BST1: variants seen among roughly 807,000 people sequenced by gnomAD.
The protein encoded by BST1 is ADP-ribosyl cyclase/cyclic ADP-ribose hydrolase 2.
Under a neutral mutation model 40.6 loss-of-function variants are expected in BST1, and 49 were observed. That is an observed-to-expected ratio of 1.21 (90% confidence interval 0.96 to 1.53). The LOEUF is 1.53. BST1 is among the 40% of genes most tolerant of loss of function. The pLI, the probability that BST1 is intolerant of heterozygous loss-of-function variation, is 0.00. For synonymous variants in BST1, 157 were observed against 159.3 expected (o/e 0.99, Z 0.11); for missense variants, 423 against 395.9 (o/e 1.07, Z -0.58).
chr4:15,739,554 CGTGT>C (rs58171340), downstream of BST1, among the ~76,000 whole-genome samples: 19,227 of 143,908 alleles, frequency 0.13, 1,429 homozygotes, highest in Non-Finnish European at 0.18. Flanking sequence ...GAAGCCAAAC[CGTGT>C]GTGTGTGTGT....
the BST1 span, among the ~76,000 whole-genome samples, chr4:15,745,664 A>AC: frequency 2.8e-4 from 42 of 152,320 alleles, no homozygotes; most frequent in African/African-American, 1.0e-3. Context: ...TGCTGCCTTC[A>AC]AAATCCAGAG....
chr4:15,766,129 C>T, the BST1 span, among the ~76,000 whole-genome samples: 52,376 of 151,750 alleles, frequency 0.35, 9,406 homozygotes, highest in South Asian at 0.41. Context: ...GAGACAAAGA[C>T]TGTTTGGCAT....
the BST1 span, among the ~76,000 whole-genome samples, chr4:15,750,645 G>T: frequency 1.3e-5 from 2 of 152,156 alleles, no homozygotes; most frequent in African/African-American, 4.8e-5. Context: ...TGGGCTGTAA[G>T]TGTACAATGA....
At chr4:15,756,333 C>T in the BST1 span, among the ~76,000 whole-genome samples, 1 of 152,160 alleles carries the variant, frequency 6.6e-6, no homozygotes, top group Admixed American at 6.5e-5. Flanking sequence ...CCTGGCTAGT[C>T]CTATGAAGCG....
Position 15,715,939 on chromosome 4 carries a change from A to G in BST1, c.704+140A>G, listed in dbSNP as rs200446545. The G allele has an allele frequency of 8.3e-6, 5 of 602,038 alleles. No individual in the cohort carries two copies. The African/African-American group carries it at 9.8e-5, about 12-fold the overall frequency. 37.3% of individuals were successfully genotyped at this position (602,038 alleles called of 1,614,324 possible). A position where few individuals can be genotyped will look rare whatever the true frequency, so the allele number is the denominator to read the frequency against. On this transcript the variant is annotated intron_variant, in intron 6 of 8. Transcript: ENST00000265016. ...TCTAATGGGGTTGGTAGAGAAAGACAAAAGCTTGACTTTCTGGGAATGCCA... is the reference window on the plus strand; with the variant it reads ...TCTAATGGGGTTGGTAGAGAAAGACGAAAGCTTGACTTTCTGGGAATGCCA...
chr4:15,726,136 GTT>G (rs58225702), intron 8 of BST1, among the ~76,000 whole-genome samples: 4 of 107,582 alleles, frequency 3.7e-5, no homozygotes, highest in Admixed American at 2.0e-4. Context: ...AACTTTTAAA[GTT>G]TTTTTTTTTT....
At chr4:15,768,986 T>C in the BST1 span, among the ~76,000 whole-genome samples, 2 of 152,056 alleles carry the variant, frequency 1.3e-5, no homozygotes, top group African/African-American at 4.8e-5. Context: ...AATATGAAAA[T>C]CATCACATGT....
the BST1 span, among the ~76,000 whole-genome samples, chr4:15,764,717 C>A: frequency 6.6e-6 from 1 of 151,854 alleles, no homozygotes; most frequent in Non-Finnish European, 1.5e-5. Flanking sequence ...TACTCTCAAC[C>A]GATGTGGGCC....
At chr4:15,758,041 T>C in the BST1 span, among the ~76,000 whole-genome samples, 11 of 152,378 alleles carry the variant, frequency 7.2e-5, no homozygotes, top group Admixed American at 5.9e-4. Context: ...TATAATTGTG[T>C]ATATTTCTGG....
intron 3 of BST1, among the ~76,000 whole-genome samples, chr4:15,707,951 C>A (rs1424709412): frequency 6.6e-6 from 1 of 151,372 alleles, no homozygotes; most frequent in African/African-American, 2.4e-5. Context: ...ATTTGATGCC[C>A]ACAACAACCT....
chr4:15,708,979 C>T (rs1489498425), intron 3 of BST1, among the ~76,000 whole-genome samples: 1 of 152,094 alleles, frequency 6.6e-6, no homozygotes. Flanking sequence ...TGTGCCAGAC[C>T]CTCATCTTCT....
At chr4:15,724,088 T>C (rs1158576443) in intron 8 of BST1, among the ~76,000 whole-genome samples, 1 of 152,212 alleles carries the variant, frequency 6.6e-6, no homozygotes, top group African/African-American at 2.4e-5. Flanking sequence ...TCCACGTTGA[T>C]TGAGGAACTC....
chr4:15,762,188 CAAAAAAAAAAAAAA>C, the BST1 span, among the ~76,000 whole-genome samples: 2 of 61,238 alleles, frequency 3.3e-5, no homozygotes, highest in South Asian at 5.8e-4. Context: ...GACTCCATCT[CAAAAAAAAAAAAAA>C]AAAAAAAAAA....
Position 15,703,186 on chromosome 4 carries a change from G to GCTGCTGCAGCTT in BST1, c.48_59dup (p.Gln17_Leu20dup), listed in dbSNP as rs764639367. On this transcript the variant is annotated inframe_insertion, in exon 1 of 9. Coordinates refer to ENST00000265016, the MANE Select transcript of BST1 (RefSeq NM_004334.3). ...GCGCGGCATCGCGGCTGCTCCAGCT[G>GCTGCTGCAGCTT]CTGCTGCAGCTTCTGCTTCTACTGT... The GCTGCTGCAGCTT allele has an allele frequency of 1.9e-6, 3 of 1,559,374 alleles. No individual in the cohort carries two copies. The highest frequency in any genetic ancestry group is 2.6e-6 in the Non-Finnish European group (3 of 1,153,332).
chr4:15,769,988 T>C, the BST1 span, among the ~76,000 whole-genome samples: 52,004 of 151,986 alleles, frequency 0.34, 9,477 homozygotes, highest in African/African-American at 0.46. Context: ...TACAGGTGTG[T>C]GCCACTGCGC....
chr4:15,760,682 A>AG, the BST1 span, among the ~76,000 whole-genome samples: 1 of 150,520 alleles, frequency 6.6e-6, no homozygotes, highest in Non-Finnish European at 1.5e-5. Flanking sequence ...TATATACTAT[A>AG]TATTTATTTA....
At chr4:15,750,468 G>A in the BST1 span, among the ~76,000 whole-genome samples, 1 of 152,186 alleles carries the variant, frequency 6.6e-6, no homozygotes, top group African/African-American at 2.4e-5. Flanking sequence ...ATATGTCTCT[G>A]CTTAGAACTA....
the BST1 span, among the ~76,000 whole-genome samples, chr4:15,754,080 G>C: frequency 1.5e-4 from 23 of 152,310 alleles, no homozygotes; most frequent in South Asian, 8.3e-4. Flanking sequence ...AGGCCAAGTG[G>C]GGGGGTGTGA....
downstream of BST1, among the ~76,000 whole-genome samples, chr4:15,740,669 C>G (rs755184445): frequency 1.3e-5 from 2 of 151,974 alleles, no homozygotes; most frequent in Non-Finnish European, 2.9e-5. Context: ...TAAATTATAA[C>G]AAATATTTGA....
Sources: allele counts gnomAD v4.1 joint callset (sites outside exome capture counted in the v4.1 genomes callset), GRCh38; gene constraint gnomAD v4.1.1; transcripts MANE v1.5; gene names NCBI Gene and HGNC (gene_info 2026-07-23, HGNC 2026-07-21).